CFAP57: variants seen among roughly 807,000 people sequenced by gnomAD.
CFAP57 encodes the protein cilia and flagella associated protein 57, also known as cilia- and flagella-associated protein 57.
A neutral mutation model predicts 146.8 loss-of-function variants in CFAP57; 116 were observed. The ratio of observed to expected loss-of-function variants is 0.79; its 90% CI spans 0.68 to 0.92. CFAP57 has a LOEUF of 0.92. CFAP57 is among the 40% of genes least tolerant of loss of function. CFAP57 has a pLI of 0.00. For missense variants in CFAP57, 1,377 were observed against 1,527.2 expected, an observed-to-expected ratio of 0.90 and a Z score of 1.64; for synonymous variants, 518 against 552.8, an observed-to-expected ratio of 0.94 and a Z score of 0.88.
chr1:43,192,745 C>T (rs532389234), intron 6 of CFAP57, among the ~76,000 whole-genome samples: 63 of 150,718 alleles, frequency 4.2e-4, no homozygotes, highest in Non-Finnish European at 7.8e-4. Flanking sequence ...ACCAACATGG[C>T]GAAACCCAGT....
At chr1:43,177,660 A>AG (rs1645224362) in intron 2 of CFAP57, among the ~76,000 whole-genome samples, 1 of 152,088 alleles carries the variant, frequency 6.6e-6, no homozygotes, top group Admixed American at 6.6e-5. Flanking sequence ...GACAGGATGG[A>AG]GAGGGTATGG....
At chr1:43,178,332 A>G (rs1300686468) in intron 2 of CFAP57, among the ~76,000 whole-genome samples, 1 of 152,250 alleles carries the variant, frequency 6.6e-6, no homozygotes, top group Non-Finnish European at 1.5e-5. Flanking sequence ...AAAAGAAACT[A>G]CCATTAGAGT....
chr1:43,234,165 A>C, intron 19 of CFAP57, 114 bp from the exon 20 acceptor site: 1 of 1,224,226 alleles, frequency 8.2e-7, no homozygotes, highest in Non-Finnish European at 1.1e-6. Flanking sequence ...GTCAGCTGTA[A>C]GTCCCAGATG....
In CFAP57 at chr1:43,197,597, A is replaced by G. The variant is rs749805066; in HGVS notation, c.1167A>G (p.Ser389=). ...HFEYLMYPLH[S]APITGLATCI... ...AGTATTTGATGTATCCATTGCACTC[A>G]GCACCCATCACCGGTCTAGCTACCT... Residue 389 remains serine, a synonymous_variant, in exon 7 of 23, where the codon TCA becomes TCG. Transcript: ENST00000372492. 1.9e-6 allele frequency: 3 copies of G among 1,614,086 alleles called. No individual in the cohort carries two copies. The East Asian group carries it at 6.7e-5, about 36-fold the overall frequency.
At chr1:43,182,536 G>A (rs116174265) in intron 3 of CFAP57, among the ~76,000 whole-genome samples, 299 of 152,296 alleles carry the variant, frequency 2.0e-3, no homozygotes, top group African/African-American at 7.0e-3. Flanking sequence ...ATACTGATGT[G>A]TAAACCAGCA....
In CFAP57 at chr1:43,226,976, C is replaced by A. The variant is rs558479426; in HGVS notation, c.2866-7C>A. 72 of 1,504,348 alleles carry A rather than the reference C, an allele frequency of 4.8e-5. 1 individual carries two copies. The South Asian group carries it at 9.2e-4, about 19-fold the overall frequency. 93.2% of individuals were successfully genotyped at this position (1,504,348 alleles called of 1,614,324 possible). On this transcript the variant is annotated splice_region_variant and splice_polypyrimidine_tract_variant and intron_variant, in intron 17 of 22. Transcript: ENST00000372492. ...TATCTCTCACTTCTCTCTCATCTCA[C>A]CCCCAGGAGAAGCGAATTTATGATC...
intron 2 of CFAP57, among the ~76,000 whole-genome samples, chr1:43,173,127 G>A (rs945675374): frequency 4.6e-5 from 7 of 152,192 alleles, no homozygotes; most frequent in Non-Finnish European, 7.3e-5. Flanking sequence ...TAATTTAAAA[G>A]TACTTTTTTC....
Position 43,222,149 on chromosome 1 carries a change from C to T in CFAP57, c.2386C>T (p.Gln796Ter), listed in dbSNP as rs1330308522. 3 of 1,548,356 alleles carry T rather than the reference C, an allele frequency of 1.9e-6. No individual in the cohort carries two copies. The highest frequency in any genetic ancestry group is 3.9e-5 in the Admixed American group (2 of 50,844). Residue 796 changes from glutamine (Q) to a stop codon, truncating the protein, a stop_gained, in exon 15 of 23, where the codon CAG becomes TAG. Coordinates refer to ENST00000372492, the MANE Select transcript of CFAP57 (RefSeq NM_001378189.1). LOFTEE classifies it high-confidence loss of function. ...GTTGCTTCTAGAATATGAGAAGTAC[C>T]AGGAGCTGCAGCTCAAGTCCCAGAG... Reference protein sequence around the residue: ...QKLLLEYEKYQELQLKSQRMQ... With the variant: ...QKLLLEYEKY
Position 43,254,208 on chromosome 1 carries a change from A to G in CFAP57, c.*17A>G. 6.5e-7 allele frequency: 1 copy of G among 1,535,168 alleles called. No individual in the cohort carries two copies. The highest frequency in any genetic ancestry group is 2.5e-5 in the East Asian group (1 of 40,732). On this transcript the variant is annotated 3_prime_UTR_variant, in exon 23 of 23. Transcript: ENST00000372492. Reference sequence around the variant, plus strand: ...ACCAACTGACCCCCTCTGGTGAGCCATCTCCAGCCACAGCCAGAAGAAACA... The same window carrying G: ...ACCAACTGACCCCCTCTGGTGAGCCGTCTCCAGCCACAGCCAGAAGAAACA...
intron 11 of CFAP57, among the ~76,000 whole-genome samples, chr1:43,214,565 A>G (rs775885956): frequency 6.6e-5 from 10 of 152,240 alleles, no homozygotes; most frequent in Non-Finnish European, 8.8e-5. Context: ...TTATAAATAA[A>G]GCTGCTGTGA....
At chr1:43,208,946 A>G (rs1644477432) in intron 10 of CFAP57, among the ~76,000 whole-genome samples, 1 of 152,192 alleles carries the variant, frequency 6.6e-6, no homozygotes. Context: ...AGGTCCAAAA[A>G]CAGGTGAGTA....
chr1:43,214,042 C>A (rs901029198), intron 11 of CFAP57, among the ~76,000 whole-genome samples: 1 of 151,800 alleles, frequency 6.6e-6, no homozygotes, highest in African/African-American at 2.4e-5. Flanking sequence ...CCTGCCACCA[C>A]GCCCAGCTAA....
In CFAP57 at chr1:43,232,601, G is replaced by A. The variant is rs1645517075; in HGVS notation, c.3103G>A (p.Glu1035Lys). 1 of 1,546,292 alleles carries A rather than the reference G, an allele frequency of 6.5e-7. No individual in the cohort carries two copies. Among genetic ancestry groups the A allele is most frequent in the Non-Finnish European group, 8.7e-7 (1 of 1,143,722 alleles). ...GCAGAAACTGAGAGCCACCGATCAG[G>A]AGATGCGCAGAGAGAGACAGAAGGT... ...LWQKLRATDQEMRRERQKERD... is the reference protein window; with the variant it reads ...LWQKLRATDQKMRRERQKERD... Residue 1035 changes from glutamate (E) to lysine (K), a missense_variant, in exon 19 of 23, where the codon GAG becomes AAG. Coordinates refer to ENST00000372492, the MANE Select transcript of CFAP57 (RefSeq NM_001378189.1).
chr1:43,184,938 C>T (rs1642931558), intron 4 of CFAP57: 1 of 576,392 alleles, frequency 1.7e-6, no homozygotes, highest in Non-Finnish European at 3.1e-6. Flanking sequence ...TCTGTCTACT[C>T]CACACGCCCC....
At chr1:43,229,406 T>G (rs1356944840) in intron 18 of CFAP57, among the ~76,000 whole-genome samples, 1 of 148,612 alleles carries the variant, frequency 6.7e-6, no homozygotes. Context: ...CTGTCAGGAC[T>G]GATACCTGGG....
At position 43,172,333 on chromosome 1, in the gene CFAP57, T is replaced by C; in HGVS notation, c.-140T>C. ...TCCGCTTCCGGCGGCAAACCATACT[T>C]CCGGTTTGTCGTTGCTATAGGAACC... On this transcript the variant is annotated 5_prime_UTR_variant, in exon 1 of 23. Transcript: ENST00000372492. The C allele has an allele frequency of 6.4e-7, 1 of 1,551,646 alleles. No individual in the cohort carries two copies. Among genetic ancestry groups the C allele is most frequent in the Non-Finnish European group, 8.7e-7 (1 of 1,146,980 alleles).
intron 11 of CFAP57, among the ~76,000 whole-genome samples, chr1:43,214,520 G>A (rs569702809): frequency 1.3e-5 from 2 of 152,276 alleles, no homozygotes; most frequent in South Asian, 2.1e-4. Context: ...TTCACCTATT[G>A]TAGGATATTT....
Position 43,238,059 on chromosome 1 carries a change from T to C in CFAP57, c.3405+3421T>C, listed in dbSNP as rs891935843. Among the ~76,000 whole-genome samples the C allele has an allele frequency of 1.3e-5, 2 of 152,164 alleles. No homozygotes were observed. The highest frequency in any genetic ancestry group is 2.9e-5 in the Non-Finnish European group (2 of 68,010). On this transcript the variant is annotated intron_variant, in intron 21 of 22. Transcript: ENST00000372492. The surrounding 1 kb of genome is among the most constrained non-coding windows in gnomAD (Gnocchi z 4.3). ...TCAGAGTAGAAATGACAAATAGAAA[T>C]GTCAGGTTAGACATGGGAGGAAGGT...
At chr1:43,218,681 CTA>C (rs752739020) in intron 12 of CFAP57, among the ~76,000 whole-genome samples, 1 of 151,966 alleles carries the variant, frequency 6.6e-6, no homozygotes, top group Non-Finnish European at 1.5e-5. Flanking sequence ...GAGTTAGGAC[CTA>C]TATTAAAGTA....
Sources: allele counts gnomAD v4.1 joint callset (sites outside exome capture counted in the v4.1 genomes callset), GRCh38; gene constraint gnomAD v4.1.1; non-coding constraint Gnocchi (gnomAD v3.1); transcripts MANE v1.5; gene names NCBI Gene and HGNC (gene_info 2026-07-23, HGNC 2026-07-21).